XKR9: variants seen among roughly 807,000 people sequenced by gnomAD.
XKR9 encodes XK-related protein 9.
Under a neutral mutation model 32.0 loss-of-function variants are expected in XKR9, and 32 were observed. The observed-to-expected ratio is 1.00, with a 90% CI of 0.76 to 1.34. The LOEUF (loss-of-function observed/expected upper bound fraction) is 1.34. Ranked by LOEUF, XKR9 falls within the 40% of genes most tolerant of loss-of-function variation. XKR9 has a pLI of 0.00. For missense variants in XKR9, 546 were observed against 429.7 expected, an observed-to-expected ratio of 1.27 and a Z score of -2.39; for synonymous variants, 168 against 143.4, an observed-to-expected ratio of 1.17 and a Z score of -1.22.
At chr8:71,052,133 A>G in the XKR9 span, among the ~76,000 whole-genome samples, 2 of 152,254 alleles carry the variant, frequency 1.3e-5, no homozygotes, top group Non-Finnish European at 1.5e-5. Flanking sequence ...CTCAGGGAAG[A>G]AAGCTTGCGG....
chr8:70,820,652 T>A, the XKR9 span, among the ~76,000 whole-genome samples: 2 of 152,118 alleles, frequency 1.3e-5, no homozygotes, highest in Non-Finnish European at 2.9e-5. Flanking sequence ...CTTAGGAAAC[T>A]TAAAATCATG....
the XKR9 span, among the ~76,000 whole-genome samples, chr8:71,053,455 A>G: frequency 6.6e-6 from 1 of 152,268 alleles, no homozygotes; most frequent in Non-Finnish European, 1.5e-5. Flanking sequence ...CTGACCTGAC[A>G]GAGGTGTTTT....
At chr8:70,979,358 C>T in the XKR9 span, among the ~76,000 whole-genome samples, 3 of 152,192 alleles carry the variant, frequency 2.0e-5, no homozygotes, top group African/African-American at 7.2e-5. Flanking sequence ...TCTGGTTTCT[C>T]TCCATCTTTG....
chr8:70,961,647 G>A, the XKR9 span, among the ~76,000 whole-genome samples: 5 of 151,890 alleles, frequency 3.3e-5, no homozygotes, highest in South Asian at 2.1e-4. Context: ...AAAACAGATC[G>A]CATGAAGATA....
the XKR9 span, among the ~76,000 whole-genome samples, chr8:70,882,279 T>C: frequency 6.6e-6 from 1 of 151,542 alleles, no homozygotes; most frequent in Admixed American, 6.6e-5. Flanking sequence ...ATAAATAAAA[T>C]AAACTTTTAT....
intron 4 of XKR9, 131 bp from the exon 5 acceptor site, chr8:70,733,665 T>G: frequency 1.1e-6 from 1 of 875,766 alleles, no homozygotes; most frequent in Non-Finnish European, 1.6e-6. Flanking sequence ...CTTCAAAAGA[T>G]TAGATGAGAA....
the XKR9 span, among the ~76,000 whole-genome samples, chr8:70,921,400 C>T: frequency 2.0e-5 from 3 of 152,216 alleles, no homozygotes; most frequent in African/African-American, 4.8e-5. Flanking sequence ...TGTGTTTGCT[C>T]TTTGGGTAGC....
chr8:70,924,239 T>C, the XKR9 span, among the ~76,000 whole-genome samples: 1 of 152,190 alleles, frequency 6.6e-6, no homozygotes, highest in African/African-American at 2.4e-5. Context: ...TATCTTAGTT[T>C]AGACTTTCAT....
At chr8:70,701,043 C>T (rs527657219) in intron 3 of XKR9, among the ~76,000 whole-genome samples, 3 of 152,182 alleles carry the variant, frequency 2.0e-5, no homozygotes, top group African/African-American at 2.4e-5. Context: ...CTCGGAAAAG[C>T]GCAGTATTCG....
At chr8:70,739,285 T>C (rs1196281059), downstream of XKR9, among the ~76,000 whole-genome samples, 1 of 152,218 alleles carries the variant, frequency 6.6e-6, no homozygotes, top group African/African-American at 2.4e-5. Flanking sequence ...AGACTATGAT[T>C]GCAATCCCTG....
At chr8:70,954,919 C>T in the XKR9 span, among the ~76,000 whole-genome samples, 2 of 152,154 alleles carry the variant, frequency 1.3e-5, no homozygotes, top group Non-Finnish European at 2.9e-5. Flanking sequence ...AATTTGCAAG[C>T]TGGGGAAGAC....
chr8:70,740,043 G>C (rs187671382), downstream of XKR9, among the ~76,000 whole-genome samples: 2 of 152,274 alleles, frequency 1.3e-5, no homozygotes, highest in Non-Finnish European at 2.9e-5. Context: ...AGTTCTCCTG[G>C]ATAATATCCT....
chr8:70,709,549 C>T (rs941628822), intron 4 of XKR9, among the ~76,000 whole-genome samples: 11 of 152,126 alleles, frequency 7.2e-5, no homozygotes, highest in African/African-American at 2.7e-4. Flanking sequence ...ATACCTAGAA[C>T]ACCCCCATGG....
the XKR9 span, among the ~76,000 whole-genome samples, chr8:70,796,284 T>G: frequency 1.3e-5 from 2 of 152,128 alleles, no homozygotes; most frequent in East Asian, 3.8e-4. Flanking sequence ...AGATTTTGAA[T>G]TTTTTCTTGA....
chr8:70,908,691 T>A, the XKR9 span, among the ~76,000 whole-genome samples: 1 of 152,346 alleles, frequency 6.6e-6, no homozygotes, highest in Admixed American at 6.5e-5. Flanking sequence ...TGTGTTCCAA[T>A]TAAACTTTAT....
chr8:70,935,206 T>TACACAC, the XKR9 span, among the ~76,000 whole-genome samples: 44,935 of 82,146 alleles, frequency 0.55, 8,159 homozygotes, highest in Middle Eastern at 0.59. Context: ...CATATACATA[T>TACACAC]ATACACACAC....
At position 70,735,871 on chromosome 8, in the gene XKR9, C is replaced by T. The variant is rs977866781; in HGVS notation, c.*1447C>T. 1.3e-5 allele frequency: 2 copies of T among 151,910 alleles called. No homozygotes were observed. The highest frequency in any genetic ancestry group is 4.8e-5 in the African/African-American group (2 of 41,284). The allele number at this position is 151,910 out of a possible 1,614,324, so 9.4% of individuals were successfully genotyped here. ...CTTAATCCAGTCTATTGTTGTTGGA[C>T]ATTTGGGTTGGTTCCAAGTCTTTGC... On this transcript the variant is annotated 3_prime_UTR_variant, in exon 5 of 5. Transcript: ENST00000408926.
chr8:70,784,252 A>G (rs1437337973), intron 2 of XKR9, among the ~76,000 whole-genome samples: 2 of 152,134 alleles, frequency 1.3e-5, no homozygotes, highest in Non-Finnish European at 2.9e-5. Context: ...TGACCCTGGA[A>G]TTTTGATAGA....
the XKR9 span, among the ~76,000 whole-genome samples, chr8:70,956,764 G>T: frequency 6.6e-6 from 1 of 152,176 alleles, no homozygotes; most frequent in Non-Finnish European, 1.5e-5. Context: ...CAGCACCCAG[G>T]TTTGGCCATA....
Sources: allele counts gnomAD v4.1 joint callset (sites outside exome capture counted in the v4.1 genomes callset), GRCh38; gene constraint gnomAD v4.1.1; transcripts MANE v1.5; gene names NCBI Gene and HGNC (gene_info 2026-07-23, HGNC 2026-07-21).